The following NCOR2 variants were observed in gnomAD, a reference collection of about 807,000 sequenced individuals.
NCOR2 encodes CTG repeat protein 26.
NCOR2 carries 81 observed loss-of-function variants against 262.9 expected under a neutral mutation model. The observed-to-expected ratio is 0.31, with a 90% CI of 0.26 to 0.37. NCOR2 has a LOEUF of 0.37. Among genes scored for constraint, NCOR2 ranks in the 10% least tolerant of loss-of-function variants. The probability of loss-of-function intolerance (pLI) is 1.00; values close to 1 mark genes in which losing one functional copy is unlikely to be tolerated. For missense variants in NCOR2, 3,385 were observed against 3,621.4 expected (o/e 0.93, Z 1.68); for synonymous variants, 1,659 against 1,559.3 (o/e 1.06, Z -1.51).
intron 4 of NCOR2, among the ~76,000 whole-genome samples, chr12:124,468,514 C>T (rs532209699): frequency 6.0e-5 from 1 of 16,704 alleles, no homozygotes; most frequent in African/African-American, 3.3e-4. Context: ...CCTCATCACC[C>T]CCATCATCCT....
intron 26 of NCOR2, 94 bp downstream of exon 28, chr12:124,354,384 G>A (rs1248528743): frequency 1.6e-6 from 2 of 1,263,810 alleles, no homozygotes; most frequent in East Asian, 2.5e-5. Flanking sequence ...CCCTCTGGGA[G>A]ATGACACTTC....
At chr12:124,546,240 A>G (rs1019139421) in intron 1 of NCOR2, among the ~76,000 whole-genome samples, 1 of 152,240 alleles carries the variant, frequency 6.6e-6, no homozygotes, top group Non-Finnish European at 1.5e-5. Context: ...TCAGAGGCTC[A>G]GTGAGCGAAT....
At chr12:124,358,098 C>CAT (rs59823944) in intron 22 of NCOR2, among the ~76,000 whole-genome samples, 77 of 127,462 alleles carry the variant, frequency 6.0e-4, no homozygotes, top group Admixed American at 2.0e-3. Flanking sequence ...TGTGTGTGCG[C>CAT]GCGCGCACGT....
chr12:124,495,924 G>A (rs1463318625), upstream of NCOR2, among the ~76,000 whole-genome samples: 1 of 152,166 alleles, frequency 6.6e-6, no homozygotes, highest in Non-Finnish European at 1.5e-5. This position sits in a 1 kb window ranked among gnomAD's most constrained non-coding sequence, Gnocchi z 4.4. Flanking sequence ...ACTGATATGA[G>A]GTTAGCCAGA....
intron 12 of NCOR2, 101 bp downstream of exon 14, chr12:124,422,400 G>T: frequency 7.1e-7 from 1 of 1,409,864 alleles, no homozygotes; most frequent in Non-Finnish European, 9.9e-7. Flanking sequence ...GGCCAGGCAG[G>T]CCAGGGCCTT....
chr12:124,397,479 G>C (rs1322311894), intron 16 of NCOR2, among the ~76,000 whole-genome samples: 1 of 152,166 alleles, frequency 6.6e-6, no homozygotes, highest in Non-Finnish European at 1.5e-5. Context: ...CACATCACAA[G>C]GCCATCTGCT....
At chr12:124,344,083 G>C (rs565637229) in intron 32 of NCOR2, among the ~76,000 whole-genome samples, 1 of 152,350 alleles carries the variant, frequency 6.6e-6, no homozygotes, top group East Asian at 1.9e-4. Context: ...ATGGCAGGCA[G>C]AGAGGAGGAG....
At chr12:124,341,797 C>T (rs369674973) in intron 34 of NCOR2, 26 bp downstream of exon 36, 345 of 1,579,400 alleles carry the variant, frequency 2.2e-4, no homozygotes, top group Non-Finnish European at 2.8e-4. Context: ...CCAAACCCAG[C>T]GGAGGTGGTC....
At chr12:124,404,588 C>A (rs1367970393) in intron 13 of NCOR2, among the ~76,000 whole-genome samples, 1 of 152,216 alleles carries the variant, frequency 6.6e-6, no homozygotes, top group African/African-American at 2.4e-5. Context: ...GCTCCACACC[C>A]ATCAGGCCGC....
intron 16 of NCOR2, among the ~76,000 whole-genome samples, chr12:124,397,697 G>A (rs2063114): frequency 0.13 from 19,889 of 152,046 alleles, 1,937 homozygotes; most frequent in East Asian, 0.53. Flanking sequence ...CTGGATGAAC[G>A]CCCTGCAGGT....
Position 124,454,179 on chromosome 12 carries a change from C to A in NCOR2, c.762+2927G>T, listed in dbSNP as rs1593614152. Reference sequence around the variant, plus strand: ...CCAGGGGCTCAGCACACCTCCACGCCTCATCTCTTGCTGTGTGGCCCGGCA... The same window carrying A: ...CCAGGGGCTCAGCACACCTCCACGCATCATCTCTTGCTGTGTGGCCCGGCA... On this transcript the variant is annotated intron_variant, in intron 6 of 46. Coordinates refer to ENST00000405201, the Ensembl canonical transcript of NCOR2. This position sits in a 1 kb window ranked among gnomAD's most constrained non-coding sequence, Gnocchi z 5.6. Among the ~76,000 whole-genome samples, 1 of 152,202 alleles carries A rather than the reference C, an allele frequency of 6.6e-6. No individual in the cohort carries two copies. Among genetic ancestry groups the A allele is most frequent in the East Asian group, 1.9e-4 (1 of 5,190 alleles).
intron 23 of NCOR2, 30 bp from the exon 26 acceptor site, chr12:124,355,601 G>T (rs903271364): frequency 2.0e-6 from 3 of 1,523,134 alleles, no homozygotes; most frequent in Admixed American, 4.2e-5. Context: ...CCATTGTGGG[G>T]CCCAGGAGCG....
intron 22 of NCOR2, among the ~76,000 whole-genome samples, chr12:124,357,913 G>GTC (rs1491119370): frequency 1.4e-5 from 2 of 143,400 alleles, no homozygotes; most frequent in Admixed American, 6.9e-5. Context: ...ATGTGTGTGT[G>GTC]CGTGCGCACG....
Position 124,454,338 on chromosome 12 carries a change from G to A in NCOR2, c.762+2768C>T, listed in dbSNP as rs1437936508. Among the ~76,000 whole-genome samples, 1 of 152,188 alleles carries A rather than the reference G, an allele frequency of 6.6e-6. No homozygotes were observed. Among genetic ancestry groups the A allele is most frequent in the African/African-American group, 2.4e-5 (1 of 41,444 alleles). On this transcript the variant is annotated intron_variant, in intron 6 of 46. Transcript: ENST00000405201. This position sits in a 1 kb window ranked among gnomAD's most constrained non-coding sequence, Gnocchi z 5.6. ...TCCAAACACTAGATCTTAGCCTCCT[G>A]TGCCATCAGCCTTGTGGAAGCCTCT...
chr12:124,362,236 G>T (rs557265827), exon 22 of NCOR2: 2 of 1,315,670 alleles, frequency 1.5e-6, no homozygotes, highest in South Asian at 5.7e-5. Flanking sequence ...CGGTGGGGCT[G>T]GGGGAGCTGG....
chr12:124,427,031 A>G (rs1278866486), intron 10 of NCOR2, among the ~76,000 whole-genome samples: 1 of 152,206 alleles, frequency 6.6e-6, no homozygotes, highest in Non-Finnish European at 1.5e-5. Flanking sequence ...CTGTAGATTC[A>G]ATGCAGAGAG....
intron 6 of NCOR2, among the ~76,000 whole-genome samples, chr12:124,456,829 C>A (rs888538803): frequency 6.6e-6 from 1 of 152,228 alleles, no homozygotes. Flanking sequence ...ACAGCCCGAG[C>A]GGCCGGGCTT....
chr12:124,378,376 C>T lies in NCOR2; in HGVS notation c.2028G>A (p.Glu676=), dbSNP rs372429223. The change falls in exon 18 of 47, where the codon GAG becomes GAA. Residue 676 remains glutamate (E), a synonymous_variant. Transcript: ENST00000405201. This position sits in a 1 kb window ranked among gnomAD's most constrained non-coding sequence, Gnocchi z 4.2. Reference sequence around the variant, plus strand: ...TCTTCTTCTTCCTCCGCGCGTTCCTCTCCTTCTCCTGGGGCACAGGGAAGC... The same window carrying T: ...TCTTCTTCTTCCTCCGCGCGTTCCTTTCCTTCTCCTGGGGCACAGGGAAGC... 323 of 1,611,766 alleles carry T rather than the reference C, an allele frequency of 2.0e-4. No homozygotes were observed. The highest frequency in any genetic ancestry group is 3.5e-4 in the Admixed American group (21 of 59,906).
chr12:124,422,581 A>G (rs2043273363), intron 11 of NCOR2, 26 bp from the exon 14 acceptor site: 7 of 1,613,270 alleles, frequency 4.3e-6, no homozygotes, highest in Non-Finnish European at 5.9e-6. Flanking sequence ...GGTGGGCGTG[A>G]GACCTGGCCG....
Sources: gnomAD v4.1 joint callset for allele counts (sites outside exome capture counted in the v4.1 genomes callset) on GRCh38, gnomAD v4.1.1 for gene constraint, Gnocchi (gnomAD v3.1) non-coding constraint, MANE v1.5 for transcripts, NCBI Gene and HGNC (gene_info 2026-07-23, HGNC 2026-07-21) for gene names.